PCDHA7: variants seen among roughly 807,000 people sequenced by gnomAD.
PCDHA7 encodes the protein protocadherin alpha 7, also known as protocadherin alpha-7.
In PCDHA7, 37 loss-of-function variants were observed where a neutral mutation model predicts 57.2. That is an observed-to-expected ratio of 0.65 (90% CI 0.50 to 0.85). PCDHA7 has a LOEUF of 0.85. PCDHA7 is among the 40% of genes least tolerant of loss of function. The pLI, the probability that PCDHA7 is intolerant of heterozygous loss-of-function variation, is 0.00. For missense variants in PCDHA7, 1,188 were observed against 1,241.8 expected (o/e 0.96, Z 0.65); for synonymous variants, 553 against 558.8 (o/e 0.99, Z 0.15).
At chr5:140,921,353 A>G (rs943655623) in intron 1 of PCDHA7, among the ~76,000 whole-genome samples, 5 of 152,160 alleles carry the variant, frequency 3.3e-5, no homozygotes, top group Non-Finnish European at 5.9e-5. Flanking sequence ...ATATTTGCCT[A>G]TATTCAAGTT....
intron 3 of PCDHA7, among the ~76,000 whole-genome samples, chr5:140,990,557 A>G (rs782726055): frequency 2.0e-5 from 3 of 152,166 alleles, no homozygotes; most frequent in Non-Finnish European, 4.4e-5. Flanking sequence ...TTACCCAAGA[A>G]CACACACCTG....
chr5:141,010,129 G>A lies in PCDHA7; in HGVS notation c.*192G>A, dbSNP rs781919488. The A allele has an allele frequency of 3.7e-6, 6 of 1,601,792 alleles. No individual in the cohort carries two copies. The highest frequency in any genetic ancestry group is 5.1e-6 in the Non-Finnish European group (6 of 1,173,386). On this transcript the variant is annotated 3_prime_UTR_variant, in exon 4 of 4. Coordinates refer to ENST00000525929, the MANE Select transcript of PCDHA7 (RefSeq NM_018910.3). Reference sequence around the variant, plus strand: ...TGTCGTAAAAGCTTTACTAAGTCTGGTGTTAACTCTTTCTCTCCACTCTGG... The same window carrying A: ...TGTCGTAAAAGCTTTACTAAGTCTGATGTTAACTCTTTCTCTCCACTCTGG...
At chr5:140,999,051 C>T (rs972072595) in intron 3 of PCDHA7, among the ~76,000 whole-genome samples, 6 of 152,196 alleles carry the variant, frequency 3.9e-5, no homozygotes, top group African/African-American at 9.7e-5. Flanking sequence ...TGCTTTCCAC[C>T]ATGCCTAAGT....
At chr5:140,995,082 C>G (rs145784301) in intron 3 of PCDHA7, among the ~76,000 whole-genome samples, 5 of 152,334 alleles carry the variant, frequency 3.3e-5, no homozygotes, top group Admixed American at 3.3e-4. Context: ...GCAATCCAAA[C>G]TTATCTGTGG....
intron 1 of PCDHA7, among the ~76,000 whole-genome samples, chr5:140,942,993 AT>A (rs1228666837): frequency 3.3e-5 from 5 of 152,166 alleles, no homozygotes; most frequent in African/African-American, 1.2e-4. Context: ...GTGGTGGCTC[AT>A]GCCTGTAATC....
chr5:140,836,910 T>G (rs1390319466), intron 1 of PCDHA7, 172 bp downstream of exon 1: 1 of 576,424 alleles, frequency 1.7e-6, no homozygotes, highest in African/African-American at 1.9e-5. Context: ...TAATATACAC[T>G]TTTGTTTTGG....
chr5:140,975,763 C>A (rs2096681691), intron 1 of PCDHA7, among the ~76,000 whole-genome samples: 1 of 152,140 alleles, frequency 6.6e-6, no homozygotes, highest in Non-Finnish European at 1.5e-5. Context: ...TGTCATAAAT[C>A]ACAGATAATA....
intron 1 of PCDHA7, chr5:140,849,896 C>G: frequency 6.3e-7 from 1 of 1,598,590 alleles, no homozygotes; most frequent in Non-Finnish European, 8.6e-7. Flanking sequence ...TGAAGGAGAA[C>G]AACCCGCCGG....
intron 1 of PCDHA7, among the ~76,000 whole-genome samples, chr5:140,947,946 C>T (rs1396530064): frequency 2.0e-5 from 3 of 151,452 alleles, no homozygotes; most frequent in African/African-American, 7.3e-5. Flanking sequence ...AAAAGTGTTC[C>T]ATATTTTACA....
intron 3 of PCDHA7, among the ~76,000 whole-genome samples, chr5:141,001,524 C>T (rs952372807): frequency 6.6e-6 from 1 of 152,202 alleles, no homozygotes; most frequent in Non-Finnish European, 1.5e-5. Context: ...CTCCCTCTCT[C>T]TCTGATCCTG....
chr5:140,858,857 T>C, intron 1 of PCDHA7: 1 of 267,758 alleles, frequency 3.7e-6, no homozygotes, highest in South Asian at 4.6e-5. Flanking sequence ...CTATATCTCT[T>C]CAGTGAAAAT....
Position 140,836,240 on chromosome 5 carries a change from C to T in PCDHA7, c.1857C>T (p.Ser619=). Residue 619 remains serine (S), a synonymous_variant, in exon 1 of 4, where the codon AGC becomes AGT. Coordinates refer to ENST00000525929, the MANE Select transcript of PCDHA7 (RefSeq NM_018910.3). ...YELQPVAAGA[S]IPFRVGLYTG... ...TGCAACCGGTGGCGGCCGGTGCGAG[C>T]ATCCCGTTCCGCGTGGGGCTGTACA... 2.5e-6 allele frequency: 4 copies of T among 1,613,780 alleles called. No individual in the cohort carries two copies. Among genetic ancestry groups the T allele is most frequent in the Non-Finnish European group, 3.4e-6 (4 of 1,179,818 alleles).
At chr5:140,955,126 G>T (rs947007538) in intron 1 of PCDHA7, among the ~76,000 whole-genome samples, 6 of 152,110 alleles carry the variant, frequency 3.9e-5, no homozygotes, top group African/African-American at 1.4e-4. Flanking sequence ...CTGTTCCACT[G>T]GTCTACACGT....
intron 1 of PCDHA7, among the ~76,000 whole-genome samples, chr5:140,972,752 C>A (rs1332478312): frequency 1.3e-5 from 2 of 151,214 alleles, no homozygotes; most frequent in Non-Finnish European, 2.9e-5. Context: ...CAACCTCCGC[C>A]TCCCAAGTTA....
intron 3 of PCDHA7, among the ~76,000 whole-genome samples, chr5:140,987,644 T>G (rs1461630900): frequency 6.6e-6 from 1 of 152,220 alleles, no homozygotes; most frequent in Non-Finnish European, 1.5e-5. Context: ...TGCACACATA[T>G]TGCAGAATCT....
At chr5:140,924,906 T>TAAAAA (rs1284498744) in intron 1 of PCDHA7, among the ~76,000 whole-genome samples, 1 of 55,822 alleles carries the variant, frequency 1.8e-5, no homozygotes, top group Non-Finnish European at 3.4e-5. Context: ...AAAAAAAAAA[T>TAAAAA]AAAATAAAAT....
In PCDHA7 at chr5:140,857,497, G is replaced by A. The variant is rs1473016176; in HGVS notation, c.2355+20759G>A. On this transcript the variant is annotated intron_variant, in intron 1 of 3. Coordinates refer to ENST00000525929, the MANE Select transcript of PCDHA7 (RefSeq NM_018910.3). ...CGGTGTCTGCGTGGGACGCGGACGCGCAGGAGAACGCCCTGGTGTCCTACT... is the reference window on the plus strand; with the variant it reads ...CGGTGTCTGCGTGGGACGCGGACGCACAGGAGAACGCCCTGGTGTCCTACT... 10 of 1,598,262 alleles carry A rather than the reference G, an allele frequency of 6.3e-6. 1 individual carries two copies. Among genetic ancestry groups the A allele is most frequent in the Non-Finnish European group, 8.6e-6 (10 of 1,167,792 alleles).
chr5:140,910,551 T>G (rs1330218807), intron 1 of PCDHA7, among the ~76,000 whole-genome samples: 1 of 152,178 alleles, frequency 6.6e-6, no homozygotes, highest in East Asian at 1.9e-4. Flanking sequence ...TTGCAAAGTA[T>G]TAGTCAAGGA....
At chr5:140,966,889 C>T in intron 1 of PCDHA7, 1 of 1,593,902 alleles carries the variant, frequency 6.3e-7, no homozygotes, top group Non-Finnish European at 8.5e-7. Flanking sequence ...GCCCTGCGGC[C>T]TCCCAGCTGC....
Sources: allele counts gnomAD v4.1 joint callset (sites outside exome capture counted in the v4.1 genomes callset), GRCh38; gene constraint gnomAD v4.1.1; transcripts MANE v1.5; gene names NCBI Gene and HGNC (gene_info 2026-07-23, HGNC 2026-07-21).